ANKFN1: variants seen among roughly 807,000 people sequenced by gnomAD.
ANKFN1 encodes the protein ankyrin repeat and fibronectin type III domain containing 1.
A neutral mutation model predicts 108.7 loss-of-function variants in ANKFN1; 74 were observed. The ratio of observed to expected loss-of-function variants is 0.68; its 90% CI spans 0.56 to 0.83. The LOEUF (loss-of-function observed/expected upper bound fraction) is 0.83. Ranked by LOEUF, ANKFN1 falls within the 40% of genes least tolerant of loss-of-function variation. The pLI is 0.00. For synonymous variants in ANKFN1, 547 were observed against 516.2 expected (o/e 1.06, Z -0.81); for missense variants, 1,505 against 1,382.3 (o/e 1.09, Z -1.41).
chr17:56,099,886 A>G (rs1905607567), intron 4 of ANKFN1, among the ~76,000 whole-genome samples: 1 of 152,214 alleles, frequency 6.6e-6, no homozygotes, highest in Admixed American at 6.5e-5. Flanking sequence ...ACTTTACAGA[A>G]GGACATTCAC....
At chr17:56,417,992 C>G (rs868676873) in intron 8 of ANKFN1, among the ~76,000 whole-genome samples, 3 of 152,156 alleles carry the variant, frequency 2.0e-5, no homozygotes, top group Non-Finnish European at 4.4e-5. Flanking sequence ...CTTTACTAGT[C>G]AGGGGCAGGG....
chr17:56,074,874 C>T (rs1363167925), intron 4 of ANKFN1, among the ~76,000 whole-genome samples: 4 of 152,154 alleles, frequency 2.6e-5, no homozygotes, highest in African/African-American at 7.2e-5. Context: ...AGAGTCAGAG[C>T]GGAGCAGAGC....
intron 3 of ANKFN1, among the ~76,000 whole-genome samples, chr17:56,265,399 A>T (rs972284971): frequency 1.3e-5 from 2 of 152,210 alleles, no homozygotes; most frequent in Non-Finnish European, 2.9e-5. Flanking sequence ...TTCTCTTGAG[A>T]ACACCATGGA....
At chr17:56,503,523 A>ATATATG (rs2051450478) in intron 20 of ANKFN1, among the ~76,000 whole-genome samples, 1 of 136,614 alleles carries the variant, frequency 7.3e-6, no homozygotes, top group African/African-American at 2.8e-5. Flanking sequence ...ATATATATAT[A>ATATATG]TATATAGACA....
chr17:56,055,580 T>TATATATATATATATATATATACACAC (rs1567778618), intron 4 of ANKFN1, among the ~76,000 whole-genome samples: 1 of 110,672 alleles, frequency 9.0e-6, no homozygotes, highest in African/African-American at 4.6e-5. Flanking sequence ...TATATATATA[T>TATATATATATATATATATATACACAC]ATATATATGT....
intron 8 of ANKFN1, among the ~76,000 whole-genome samples, chr17:56,412,332 AT>A (rs1276752209): frequency 2.6e-5 from 4 of 151,976 alleles, no homozygotes; most frequent in Admixed American, 2.6e-4. Flanking sequence ...CTCCTCTTTC[AT>A]TTCTGATTTT....
intron 6 of ANKFN1, among the ~76,000 whole-genome samples, chr17:56,358,018 A>G (rs535797162): frequency 1.8e-4 from 28 of 152,272 alleles, no homozygotes; most frequent in Non-Finnish European, 2.6e-4. Context: ...ATCTGTATTA[A>G]TTGCCTTGGT....
intron 1 of ANKFN1, among the ~76,000 whole-genome samples, chr17:56,204,012 CTGTTTGTT>C (rs3085316): frequency 1.2e-4 from 18 of 150,754 alleles, no homozygotes; most frequent in Admixed American, 4.0e-4. Context: ...AAATCAGGCA[CTGTTTGTT>C]TGTTTGTTTG....
intron 3 of ANKFN1, among the ~76,000 whole-genome samples, chr17:56,302,442 G>A (rs999952926): frequency 1.3e-5 from 2 of 148,948 alleles, no homozygotes; most frequent in African/African-American, 2.5e-5. Flanking sequence ...TTGAGCCCAG[G>A]AGTTTAAAGC....
chr17:56,158,763 T>G (rs1909348992), intron 1 of ANKFN1, among the ~76,000 whole-genome samples: 1 of 152,192 alleles, frequency 6.6e-6, no homozygotes, highest in Non-Finnish European at 1.5e-5. Context: ...ACACCGCATG[T>G]ATTTTCCCCC....
Position 56,163,394 on chromosome 17 carries a change from A to G in ANKFN1, c.-71+9864A>G, listed in dbSNP as rs541392449. 1.3e-4 allele frequency among the ~76,000 whole-genome samples: 20 copies of G among 152,346 alleles called. No individual in the cohort carries two copies. The South Asian group carries it at 4.1e-3, about 32-fold the overall frequency. On this transcript the variant is annotated intron_variant, in intron 1 of 20. Transcript: ENST00000682825. ...CCAGCCTCGAGCAATACATGAAGCA[A>G]GTAATAGTCATGTAGCGGTGCAGAA...
intron 3 of ANKFN1, among the ~76,000 whole-genome samples, chr17:56,325,854 C>T (rs1371786580): frequency 6.6e-6 from 1 of 152,192 alleles, no homozygotes; most frequent in East Asian, 1.9e-4. Context: ...CTTTCCCTGC[C>T]GGTTGATGTA....
intron 9 of ANKFN1, among the ~76,000 whole-genome samples, chr17:56,442,448 T>G (rs1418110512): frequency 6.6e-6 from 1 of 152,156 alleles, no homozygotes; most frequent in Non-Finnish European, 1.5e-5. Flanking sequence ...CTATTACCTA[T>G]AGGAAGGGGA....
Position 56,466,541 on chromosome 17 carries a change from AG to A in ANKFN1, c.1744del (p.Ala582LeufsTer2). 2 of 1,613,104 alleles carry A rather than the reference AG, an allele frequency of 1.2e-6. No individual in the cohort carries two copies. The highest frequency in any genetic ancestry group is 1.7e-6 in the Non-Finnish European group (2 of 1,179,472). On this transcript the variant is annotated frameshift_variant, in exon 15 of 21. Transcript: ENST00000682825. LOFTEE classifies it high-confidence loss of function. ...CTCTATCAACACCTGAGGAGCCAAC[AG>A]CTTTAGACATTCTACTGATAACCAT... is the stretch of plus-strand genomic sequence containing the variant. The part of the protein sequence containing the change: ...KSLSTPEEPT[A>X]LDILLITIQD...
At chr17:56,202,327 T>G (rs547331565) in intron 1 of ANKFN1, among the ~76,000 whole-genome samples, 2 of 152,314 alleles carry the variant, frequency 1.3e-5, no homozygotes, top group African/African-American at 4.8e-5. Flanking sequence ...AGGGCTTTCC[T>G]AACTCATCTC....
At chr17:56,466,229 C>CAA (rs57013545) in intron 14 of ANKFN1, 127 bp from the exon 15 acceptor site, 706 of 702,808 alleles carry the variant, frequency 1.0e-3, no homozygotes, top group African/African-American at 1.8e-3. Context: ...GGTTTAAGTG[C>CAA]AAAAAAAAAA....
At chr17:56,098,428 ACACACACACACG>A (rs1372730515) in intron 4 of ANKFN1, among the ~76,000 whole-genome samples, 1 of 145,754 alleles carries the variant, frequency 6.9e-6, no homozygotes, top group East Asian at 2.0e-4. Context: ...ACACACACAC[ACACACACACACG>A]CGCGCGCACA....
At chr17:56,104,334 A>G (rs1035241524) in intron 4 of ANKFN1, among the ~76,000 whole-genome samples, 1 of 152,220 alleles carries the variant, frequency 6.6e-6, no homozygotes, top group African/African-American at 2.4e-5. Flanking sequence ...CTCTTGATGG[A>G]TCACAATTCT....
chr17:56,481,592 C>T (rs577027099), intron 17 of ANKFN1, among the ~76,000 whole-genome samples: 3 of 152,046 alleles, frequency 2.0e-5, no homozygotes, highest in South Asian at 2.1e-4. Context: ...TCTTTAAATA[C>T]GAGAGAGAAC....
Sources: allele counts gnomAD v4.1 joint callset (sites outside exome capture counted in the v4.1 genomes callset), GRCh38; gene constraint gnomAD v4.1.1; transcripts MANE v1.5; gene names NCBI Gene and HGNC (gene_info 2026-07-23, HGNC 2026-07-21).